The following BPIFB6 variants were observed in gnomAD, a reference collection of about 807,000 sequenced individuals.
BPIFB6 encodes the protein BPI fold-containing family B member 6.
In BPIFB6, 47 loss-of-function variants were observed where a neutral mutation model predicts 54.7. That is an observed-to-expected ratio of 0.86 (90% CI 0.68 to 1.10). The LOEUF (loss-of-function observed/expected upper bound fraction) is 1.10. BPIFB6 is among the 50% of genes least tolerant of loss of function. BPIFB6 has a pLI of 0.00. For synonymous variants in BPIFB6, 255 were observed against 225.9 expected (o/e 1.13, Z -1.16); for missense variants, 603 against 564.1 (o/e 1.07, Z -0.70).
chr20:33,037,759 T>C lies in BPIFB6; in HGVS notation c.846+21T>C, dbSNP rs568235739. The C allele has an allele frequency of 8.7e-6, 14 of 1,611,698 alleles. No individual in the cohort carries two copies. The African/African-American group carries it at 1.6e-4, about 18-fold the overall frequency. ...CAATGGTGAGCTGTCCAGTTCCCCA[T>C]TTCCATCTGCCTCTGTCCATTACAA... On this transcript the variant is annotated intron_variant, in intron 8 of 14. Transcript: ENST00000349552.
intron 12 of BPIFB6, 35 bp from the exon 13 acceptor site, chr20:33,042,780 A>T: frequency 5.6e-6 from 9 of 1,596,822 alleles, no homozygotes; most frequent in Non-Finnish European, 5.2e-6. Context: ...ATTGGACTGA[A>T]TGGAATGTGG....
At chr20:33,036,316 C>T (rs1979339924) in intron 6 of BPIFB6, 129 bp from the exon 7 acceptor site, 2 of 723,976 alleles carry the variant, frequency 2.8e-6, no homozygotes, top group East Asian at 5.0e-5. Flanking sequence ...TACAGAGGCC[C>T]AGAAGTGCTA....
intron 9 of BPIFB6, 36 bp downstream of exon 9, chr20:33,038,998 G>C (rs1382057473): frequency 6.2e-7 from 1 of 1,607,830 alleles, no homozygotes; most frequent in Admixed American, 1.7e-5. Flanking sequence ...ACTGCACCCT[G>C]TCCTGCCCTA....
In BPIFB6 at chr20:33,033,331, A is replaced by G. The variant is rs544799915; in HGVS notation, c.197+248A>G. On this transcript the variant is annotated intron_variant, in intron 2 of 14. Transcript: ENST00000349552. ...GCAGGGTCATTTTGAGGAGGAAATG[A>G]GGTTGGAAAGTCAAATTTCAACTCT... 5.2e-5 allele frequency: 31 copies of G among 592,534 alleles called. No homozygotes were observed. In the East Asian group the frequency reaches 1.2e-3, roughly 22 times the overall value. 36.7% of individuals were successfully genotyped at this position (592,534 alleles called of 1,614,324 possible).
At chr20:33,041,821 T>C in intron 11 of BPIFB6, 149 bp from the exon 12 acceptor site, 1 of 654,752 alleles carries the variant, frequency 1.5e-6, no homozygotes, top group Non-Finnish European at 2.7e-6. Context: ...GCAAGCAGAC[T>C]CAGGAGCACC....
At chr20:33,034,666 C>A in intron 3 of BPIFB6, 97 bp from the exon 4 acceptor site, 1 of 1,396,938 alleles carries the variant, frequency 7.2e-7, no homozygotes, top group Non-Finnish European at 9.7e-7. Context: ...CCTACCCTTT[C>A]TCCCTCTCAG....
chr20:33,033,363 A>G (rs2146363115), intron 2 of BPIFB6: 1 of 534,248 alleles, frequency 1.9e-6, no homozygotes, highest in East Asian at 4.6e-5. Flanking sequence ...CTCTGCATGC[A>G]ACATGAACTC....
chr20:33,035,098 T>C lies in BPIFB6; in HGVS notation c.470T>C (p.Val157Ala). ...NLPSNMLPKM[V>A]NKFLDSTLHK... is the part of the protein sequence containing the mutation. The stretch of plus-strand genomic sequence containing the variant: ...CCATCTAGCATGCTCCCCAAGATGG[T>C]CAACAAGTTCCTGGACAGCACCCTG... The change falls in exon 5 of 15, where the codon GTC becomes GCC. Residue 157 changes from valine (V) to alanine (A), a missense_variant. By Grantham distance (64) the Val-to-Ala change is moderately conservative (BLOSUM62 0). Coordinates refer to ENST00000349552, the MANE Select transcript of BPIFB6 (RefSeq NM_174897.2). The C allele has an allele frequency of 6.2e-7, 1 of 1,613,770 alleles. No homozygotes were observed. The highest frequency in any genetic ancestry group is 8.5e-7 in the Non-Finnish European group (1 of 1,179,944).
In BPIFB6 at chr20:33,039,306, T is replaced by A. The variant is rs1456156440; in HGVS notation, c.901-41T>A. The A allele has an allele frequency of 2.6e-6, 4 of 1,563,094 alleles. No individual in the cohort carries two copies. In the African/African-American group the frequency reaches 4.1e-5, roughly 16 times the overall value. ...CCCTTATTTCAACTGAAGCCACCAG[T>A]CTAAGGACTGGCCCTGAGTGAAGTG... On this transcript the variant is annotated intron_variant, in intron 9 of 14. Coordinates refer to ENST00000349552, the MANE Select transcript of BPIFB6 (RefSeq NM_174897.2).
In BPIFB6 at chr20:33,031,700, C is replaced by G. The variant is rs1189608500; in HGVS notation, c.53C>G (p.Ala18Gly). 9 of 1,614,136 alleles carry G rather than the reference C, an allele frequency of 5.6e-6. No homozygotes were observed. The highest frequency in any genetic ancestry group is 1.3e-5 in the African/African-American group (1 of 75,066). The change falls in exon 1 of 15, where the codon GCT (alanine) becomes GGT (glycine). Residue 18 changes from alanine (A) to glycine (G), a missense_variant. Coordinates refer to ENST00000349552, the MANE Select transcript of BPIFB6 (RefSeq NM_174897.2). ...TGCAGCCTGCTGACTGGCACGCGAG[C>G]TGACCCTGGGGCACTGCTGCGGTTG... ...ALCSLLTGTR[A>G]DPGALLRLGM...
At chr20:33,033,913 G>A (rs1979210623) in intron 2 of BPIFB6, among the ~76,000 whole-genome samples, 2 of 152,098 alleles carry the variant, frequency 1.3e-5, no homozygotes, top group Non-Finnish European at 2.9e-5. Context: ...GGGAAATTGT[G>A]GCCCACATAA....
chr20:33,039,006 C>A, intron 9 of BPIFB6, 44 bp downstream of exon 9: 2 of 1,598,050 alleles, frequency 1.3e-6, no homozygotes, highest in Non-Finnish European at 1.7e-6. Flanking sequence ...CTGTCCTGCC[C>A]TATTGTCCTC....
intron 5 of BPIFB6, 44 bp downstream of exon 5, chr20:33,035,188 G>C: frequency 6.3e-7 from 1 of 1,587,790 alleles, no homozygotes; most frequent in East Asian, 2.2e-5. Flanking sequence ...TGCTGGGACT[G>C]CTTAGGCCAG....
intron 5 of BPIFB6, 146 bp from the exon 6 acceptor site, chr20:33,035,466 T>C (rs1314796130): frequency 1.2e-6 from 1 of 822,154 alleles, no homozygotes; most frequent in Non-Finnish European, 2.0e-6. Context: ...GCTCTGCCAT[T>C]TACTTTCTGT....
In BPIFB6 at chr20:33,037,577, C is replaced by G; in HGVS notation, c.685C>G (p.Gln229Glu). 6.2e-7 allele frequency: 1 copy of G among 1,611,754 alleles called. No individual in the cohort carries two copies. The highest frequency in any genetic ancestry group is 8.5e-7 in the Non-Finnish European group (1 of 1,178,376). Residue 229 changes from glutamine to glutamate, a missense_variant, in exon 8 of 15, where the codon CAA becomes GAA. Coordinates refer to ENST00000349552, the MANE Select transcript of BPIFB6 (RefSeq NM_174897.2). ...QLDFSPVVQQ[Q>E]KGKTIKLADA... ...TGCCCCATAGCCTGTGGTGCAGCAGCAAAAGGGCAAAACCATCAAGCTTGC... is the reference window on the plus strand; with the variant it reads ...TGCCCCATAGCCTGTGGTGCAGCAGGAAAAGGGCAAAACCATCAAGCTTGC...
chr20:33,035,580 C>G, intron 5 of BPIFB6, 32 bp from the exon 6 acceptor site: 2 of 1,608,164 alleles, frequency 1.2e-6, no homozygotes, highest in Non-Finnish European at 1.7e-6. Context: ...CATGCAGGGA[C>G]CCTCTCAGCC....
chr20:33,034,321 G>A, intron 3 of BPIFB6, 31 bp downstream of exon 3: 2 of 1,451,536 alleles, frequency 1.4e-6, no homozygotes, highest in Middle Eastern at 1.8e-4. Context: ...GCAGCGGGGA[G>A]GAGAACGGCC....
chr20:33,038,796 G>A (rs942325548), intron 8 of BPIFB6, 113 bp from the exon 9 acceptor site: 4 of 995,900 alleles, frequency 4.0e-6, no homozygotes, highest in African/African-American at 3.2e-5. Flanking sequence ...AGAGCGTTAA[G>A]TATTGTGATG....
chr20:33,042,066 C>T, intron 12 of BPIFB6, 51 bp downstream of exon 12: 1 of 1,567,584 alleles, frequency 6.4e-7, no homozygotes, highest in Non-Finnish European at 8.8e-7. Context: ...AAGACTGGGC[C>T]TATTCTCCCT....
Sources: gnomAD v4.1 joint callset for allele counts (sites outside exome capture counted in the v4.1 genomes callset) on GRCh38, gnomAD v4.1.1 for gene constraint, MANE v1.5 for transcripts, NCBI Gene and HGNC (gene_info 2026-07-23, HGNC 2026-07-21) for gene names.